The following MAP4K5 variants were observed in gnomAD, a reference collection of about 807,000 sequenced individuals.
The protein encoded by MAP4K5 is MAPK/ERK kinase kinase kinase 5.
In MAP4K5, 82 loss-of-function variants were observed where a neutral mutation model predicts 135.6. The observed-to-expected ratio is 0.60, with a 90% CI of 0.51 to 0.73. The LOEUF is 0.73. Ranked by LOEUF, MAP4K5 falls within the 30% of genes least tolerant of loss-of-function variation. MAP4K5 has a pLI of 0.00. For missense variants in MAP4K5, 907 were observed against 1,010.9 expected (o/e 0.90, Z 1.39); for synonymous variants, 347 against 335.0 (o/e 1.04, Z -0.39).
chr14:50,555,839 A>G (rs1237591365), intron 1 of MAP4K5, among the ~76,000 whole-genome samples: 2 of 152,216 alleles, frequency 1.3e-5, no homozygotes, highest in African/African-American at 4.8e-5. Flanking sequence ...TGTTACCGCC[A>G]AAAGCATTCT....
chr14:50,446,918 C>A (rs958739785), intron 16 of MAP4K5, among the ~76,000 whole-genome samples: 1 of 152,110 alleles, frequency 6.6e-6, no homozygotes, highest in Non-Finnish European at 1.5e-5. Context: ...CTTTTGATTT[C>A]TTTTCAACCA....
chr14:50,443,996 T>C lies in MAP4K5; in HGVS notation c.1380A>G (p.Thr460=), dbSNP rs752700385. 6.2e-7 allele frequency: 1 copy of C among 1,608,054 alleles called. No homozygotes were observed. Among genetic ancestry groups the C allele is most frequent in the East Asian group, 2.2e-5 (1 of 44,728 alleles). ...ACTGTGGTGCTTGTGCTGATCCTTCTGTATTTTCACTCATCAGTTTTGAAA... is the reference window on the plus strand; with the variant it reads ...ACTGTGGTGCTTGTGCTGATCCTTCCGTATTTTCACTCATCAGTTTTGAAA... ...DGISKLMSEN[T]EGSAQAPQLP... is the part of the protein sequence containing the mutation. Residue 460 remains threonine, a synonymous_variant, in exon 19 of 33, where the codon ACA becomes ACG. Transcript: ENST00000682126.
At chr14:50,499,739 A>C (rs2037668546) in intron 3 of MAP4K5, among the ~76,000 whole-genome samples, 1 of 152,168 alleles carries the variant, frequency 6.6e-6, no homozygotes, top group African/African-American at 2.4e-5. Flanking sequence ...AAGAATCTTA[A>C]AACAAAGTTT....
chr14:50,458,469 A>C (rs775378130), intron 13 of MAP4K5, among the ~76,000 whole-genome samples: 8 of 152,232 alleles, frequency 5.3e-5, no homozygotes, highest in Non-Finnish European at 1.0e-4. Context: ...ATTGCAATAC[A>C]TATCTTTCAA....
At chr14:50,428,592 C>A in intron 30 of MAP4K5, 70 bp downstream of exon 30, 1 of 869,984 alleles carries the variant, frequency 1.1e-6, no homozygotes, top group Non-Finnish European at 1.7e-6. Context: ...TCTAGACAAC[C>A]CTAAGTACAG....
chr14:50,539,748 A>G (rs888319304), intron 2 of MAP4K5, among the ~76,000 whole-genome samples: 1 of 152,230 alleles, frequency 6.6e-6, no homozygotes, highest in Non-Finnish European at 1.5e-5. Flanking sequence ...GATCTTGCTA[A>G]ATACTTACCT....
chr14:50,557,416 A>G (rs2038777616), intron 1 of MAP4K5, among the ~76,000 whole-genome samples: 1 of 151,914 alleles, frequency 6.6e-6, no homozygotes, highest in Non-Finnish European at 1.5e-5. Flanking sequence ...TACTTTTTTC[A>G]TATCCTTTCC....
At chr14:50,467,129 T>C (rs770178680) in intron 10 of MAP4K5, among the ~76,000 whole-genome samples, 8 of 152,224 alleles carry the variant, frequency 5.3e-5, no homozygotes, top group Middle Eastern at 3.4e-3. Flanking sequence ...TCTCTCAGTA[T>C]ATTAAATACA....
rs2035680872 is a variant in MAP4K5, at chr14:50,419,676, T to C, written c.*343A>G. ...GACATGATATAAAATGATCACTAAA[T>C]TTACCTCTCTTAAGATAATCACGAG... On this transcript the variant is annotated 3_prime_UTR_variant, in exon 33 of 33. Transcript: ENST00000682126. 1 of 194,252 alleles carries C rather than the reference T, an allele frequency of 5.1e-6. No homozygotes were observed. The highest frequency in any genetic ancestry group is 1.1e-5 in the Non-Finnish European group (1 of 93,542). 12.0% of individuals were successfully genotyped at this position (194,252 alleles called of 1,614,324 possible).
chr14:50,492,907 G>T (rs2037514843), intron 3 of MAP4K5, among the ~76,000 whole-genome samples: 1 of 151,886 alleles, frequency 6.6e-6, no homozygotes, highest in African/African-American at 2.4e-5. Flanking sequence ...GGTGGCTCAT[G>T]CCTGAAATCC....
At chr14:50,488,492 G>T (rs2037416280) in intron 3 of MAP4K5, among the ~76,000 whole-genome samples, 2 of 152,186 alleles carry the variant, frequency 1.3e-5, no homozygotes, top group Non-Finnish European at 2.9e-5. Context: ...CTGGGATTTA[G>T]AACAGATTTT....
intron 5 of MAP4K5, among the ~76,000 whole-genome samples, chr14:50,483,585 A>G (rs900540466): frequency 6.6e-6 from 1 of 151,786 alleles, no homozygotes. Flanking sequence ...TTATTATGCT[A>G]TCTAGTATAC....
intron 13 of MAP4K5, among the ~76,000 whole-genome samples, chr14:50,458,797 ATTATT>A (rs1471733948): frequency 2.0e-5 from 3 of 151,930 alleles, no homozygotes; most frequent in African/African-American, 7.2e-5. Context: ...TTATATTTTT[ATTATT>A]TTATTTACTT....
intron 3 of MAP4K5, among the ~76,000 whole-genome samples, chr14:50,496,696 G>C (rs1348580236): frequency 6.6e-6 from 1 of 151,656 alleles, no homozygotes; most frequent in Non-Finnish European, 1.5e-5. Flanking sequence ...TTTTTGTAAA[G>C]ACTGGGTCTT....
chr14:50,463,376 T>G (rs762595410), intron 12 of MAP4K5, among the ~76,000 whole-genome samples: 1 of 152,174 alleles, frequency 6.6e-6, no homozygotes, highest in Non-Finnish European at 1.5e-5. Flanking sequence ...ATTTTAAAGT[T>G]TTCTCTAAGG....
At chr14:50,555,786 T>C (rs763150568) in intron 1 of MAP4K5, among the ~76,000 whole-genome samples, 1 of 152,198 alleles carries the variant, frequency 6.6e-6, no homozygotes, top group African/African-American at 2.4e-5. Context: ...TTAAACAAAT[T>C]GTTGCATGAA....
chr14:50,431,053 T>C (rs1226288343), intron 28 of MAP4K5, among the ~76,000 whole-genome samples: 4 of 152,170 alleles, frequency 2.6e-5, no homozygotes, highest in South Asian at 2.1e-4. Context: ...AAACATGCAA[T>C]TGAAGGCGGT....
chr14:50,543,258 A>G (rs2038588998), intron 1 of MAP4K5, among the ~76,000 whole-genome samples: 1 of 152,262 alleles, frequency 6.6e-6, no homozygotes, highest in Non-Finnish European at 1.5e-5. Context: ...TAATCTGCTT[A>G]TAGCAGAGGC....
intron 28 of MAP4K5, among the ~76,000 whole-genome samples, chr14:50,431,934 ACATT>A (rs1242211253): frequency 6.6e-6 from 1 of 152,226 alleles, no homozygotes; most frequent in Non-Finnish European, 1.5e-5. Context: ...TGAAAACTGC[ACATT>A]CAAACATAAA....
Sources: gnomAD v4.1 joint callset for allele counts (sites outside exome capture counted in the v4.1 genomes callset) on GRCh38, gnomAD v4.1.1 for gene constraint, MANE v1.5 for transcripts, NCBI Gene and HGNC (gene_info 2026-07-23, HGNC 2026-07-21) for gene names.